Variants in STK32A observed in about 807,000 individuals in gnomAD.
STK32A encodes serine/threonine-protein kinase 32A.
STK32A carries 41 observed loss-of-function variants against 53.2 expected under a neutral mutation model. That is an observed-to-expected ratio of 0.77 (90% confidence interval 0.60 to 1.00). The LOEUF (loss-of-function observed/expected upper bound fraction) is 1.00, where lower values mean the gene tolerates loss of function less well. Ranked by LOEUF, STK32A falls within the 50% of genes least tolerant of loss-of-function variation. The probability of loss-of-function intolerance (pLI) is 0.00; values close to 1 mark genes in which losing one functional copy is unlikely to be tolerated. For missense variants in STK32A, 458 were observed against 485.8 expected, an observed-to-expected ratio of 0.94 and a Z score of 0.54; for synonymous variants, 166 against 162.8, an observed-to-expected ratio of 1.02 and a Z score of -0.15.
chr5:147,251,562 A>T (rs2053031), intron 2 of STK32A, among the ~76,000 whole-genome samples: 36,946 of 152,104 alleles, frequency 0.24, 4,532 homozygotes, highest in Admixed American at 0.3. Context: ...TCTTCCCAGG[A>T]TGGCCAACCA....
chr5:147,320,194 T>G (rs910564185), intron 4 of STK32A, among the ~76,000 whole-genome samples: 3 of 152,220 alleles, frequency 2.0e-5, no homozygotes, highest in Non-Finnish European at 2.9e-5. Flanking sequence ...CACTGCATTG[T>G]AGAATATTTT....
chr5:147,247,124 AT>A (rs1262368856), intron 2 of STK32A, among the ~76,000 whole-genome samples: 1 of 152,176 alleles, frequency 6.6e-6, no homozygotes, highest in East Asian at 1.9e-4. Context: ...TATTCAGACA[AT>A]TTGGTTATCA....
intron 7 of STK32A, 114 bp downstream of exon 7, chr5:147,351,268 C>A (rs1054173120): frequency 1.3e-5 from 11 of 838,348 alleles, no homozygotes; most frequent in Non-Finnish European, 1.9e-6. Flanking sequence ...TCTGACTTTA[C>A]CTGTGGAGCT....
chr5:147,317,474 C>T lies in STK32A; in HGVS notation c.261-6424C>T, dbSNP rs76089902. 2.5e-3 allele frequency among the ~76,000 whole-genome samples: 375 copies of T among 151,596 alleles called. 5 individuals are homozygous for T. In the East Asian group the frequency reaches 0.042, roughly 17 times the overall value. ...TCCTGAGTAGCTGAGATTATAGGTGCGCGCCACCATGCCCAGCTAATTTTT... is the reference window on the plus strand; with the variant it reads ...TCCTGAGTAGCTGAGATTATAGGTGTGCGCCACCATGCCCAGCTAATTTTT... On this transcript the variant is annotated intron_variant, in intron 4 of 12. Coordinates refer to ENST00000397936, the MANE Select transcript of STK32A (RefSeq NM_001112724.2).
chr5:147,258,606 C>G (rs563388045), intron 2 of STK32A, among the ~76,000 whole-genome samples: 2 of 152,060 alleles, frequency 1.3e-5, no homozygotes, highest in Admixed American at 6.5e-5. Flanking sequence ...GTAAACATCC[C>G]TTTCTTTAAA....
chr5:147,300,538 C>G (rs151260499), intron 4 of STK32A, among the ~76,000 whole-genome samples: 1 of 152,162 alleles, frequency 6.6e-6, no homozygotes, highest in East Asian at 1.9e-4. Flanking sequence ...AGTAAGTGCT[C>G]GATAAATATC....
chr5:147,271,475 C>T (rs1343985923), intron 2 of STK32A, among the ~76,000 whole-genome samples: 1 of 152,174 alleles, frequency 6.6e-6, no homozygotes, highest in Non-Finnish European at 1.5e-5. Context: ...AACAAGATAA[C>T]AGCAATGTTC....
chr5:147,294,080 T>C (rs1469321806), intron 4 of STK32A, among the ~76,000 whole-genome samples: 1 of 152,204 alleles, frequency 6.6e-6, no homozygotes, highest in Non-Finnish European at 1.5e-5. Context: ...GAAAACCCTG[T>C]GGTTCCAAAA....
Position 147,384,729 on chromosome 5 carries a change from T to C in STK32A, c.*746T>C, listed in dbSNP as rs1262556677. The C allele has an allele frequency of 3.2e-6, 1 of 316,502 alleles. No individual in the cohort carries two copies. Among genetic ancestry groups the C allele is most frequent in the South Asian group, 8.5e-5 (1 of 11,824 alleles). 19.6% of individuals were successfully genotyped at this position (316,502 alleles called of 1,614,324 possible). ...CCCTCCTAACAAGTGAATTGCTAAATATTAGCCCACCACTCCTTCCAAGAA... is the reference window on the plus strand; with the variant it reads ...CCCTCCTAACAAGTGAATTGCTAAACATTAGCCCACCACTCCTTCCAAGAA... On this transcript the variant is annotated 3_prime_UTR_variant, in exon 13 of 13. Coordinates refer to ENST00000397936, the MANE Select transcript of STK32A (RefSeq NM_001112724.2).
intron 5 of STK32A, among the ~76,000 whole-genome samples, chr5:147,336,576 A>G (rs779385153): frequency 2.6e-5 from 4 of 152,202 alleles, no homozygotes; most frequent in Non-Finnish European, 5.9e-5. Context: ...GCTAAGCTCT[A>G]GAGAGTTTAG....
At chr5:147,383,546 G>A (rs1418464933) in intron 12 of STK32A, 41 bp downstream of exon 12, 16 of 1,440,838 alleles carry the variant, frequency 1.1e-5, no homozygotes, top group Non-Finnish European at 1.5e-5. Context: ...AGAAATGGTG[G>A]CATGTTTCAG....
rs754152380 is a variant in STK32A, at chr5:147,380,273, C to T, written c.1033-3168C>T. On this transcript the variant is annotated intron_variant, in intron 11 of 12. Coordinates refer to ENST00000397936, the MANE Select transcript of STK32A (RefSeq NM_001112724.2). The stretch of plus-strand genomic sequence containing the variant: ...CCTGTAGCTGCCTGTCCCCTGTGAC[C>T]GATACTGGAAACCCTCAGGATTACA... Among the ~76,000 whole-genome samples the T allele has an allele frequency of 5.9e-5, 9 of 152,000 alleles. No homozygotes were observed. In the South Asian group the frequency reaches 6.2e-4, roughly 11 times the overall value.
intron 1 of STK32A, among the ~76,000 whole-genome samples, chr5:147,236,561 A>T (rs1294891655): frequency 6.6e-6 from 1 of 152,172 alleles, no homozygotes; most frequent in Non-Finnish European, 1.5e-5. Context: ...GGTTATCCAC[A>T]TGGGAGAGAA....
chr5:147,336,045 A>G (rs1755102842), intron 5 of STK32A, among the ~76,000 whole-genome samples: 1 of 152,166 alleles, frequency 6.6e-6, no homozygotes, highest in Non-Finnish European at 1.5e-5. Context: ...ATCAACCTAG[A>G]AATCCCTGGG....
intron 5 of STK32A, among the ~76,000 whole-genome samples, chr5:147,329,000 T>C (rs962989520): frequency 2.6e-5 from 4 of 152,194 alleles, no homozygotes; most frequent in African/African-American, 7.2e-5. Context: ...AACGAGGTTA[T>C]AACTCACTGT....
intron 1 of STK32A, among the ~76,000 whole-genome samples, 183 bp downstream of exon 1, chr5:147,235,382 T>C (rs1028596565): frequency 6.6e-6 from 1 of 152,226 alleles, no homozygotes; most frequent in Non-Finnish European, 1.5e-5. Flanking sequence ...TTCCCCTGCC[T>C]GGCACTGACT....
intron 4 of STK32A, among the ~76,000 whole-genome samples, chr5:147,320,523 T>C (rs1754259907): frequency 6.6e-6 from 1 of 152,206 alleles, no homozygotes; most frequent in Admixed American, 6.5e-5. Context: ...GAGGCAACAA[T>C]GGTGAGTAAA....
intron 2 of STK32A, among the ~76,000 whole-genome samples, chr5:147,264,448 AAGG>A (rs112913652): frequency 7.9e-5 from 12 of 152,338 alleles, no homozygotes; most frequent in Admixed American, 5.9e-4. Flanking sequence ...TTGGATTGGG[AAGG>A]AGATGTAGAA....
chr5:147,296,018 C>T (rs1752850183), intron 4 of STK32A, among the ~76,000 whole-genome samples: 1 of 152,330 alleles, frequency 6.6e-6, no homozygotes, highest in East Asian at 1.9e-4. Flanking sequence ...AGCTCTCCCT[C>T]TCCTCCAGGT....
Sources: gnomAD v4.1 joint callset for allele counts (sites outside exome capture counted in the v4.1 genomes callset) on GRCh38, gnomAD v4.1.1 for gene constraint, MANE v1.5 for transcripts, NCBI Gene and HGNC (gene_info 2026-07-23, HGNC 2026-07-21) for gene names.